Variants in PALS2 observed in about 807,000 individuals in gnomAD.
PALS2 encodes protein associated with LIN7 2, MAGUK p55 family member.
In PALS2, 27 loss-of-function variants were observed where a neutral mutation model predicts 61.6. The observed-to-expected ratio is 0.44, with a 90% CI of 0.32 to 0.60. The LOEUF is 0.60. Ranked by LOEUF, PALS2 falls within the 20% of genes least tolerant of loss-of-function variation. The probability of loss-of-function intolerance (pLI) is 0.05; values close to 1 mark genes in which losing one functional copy is unlikely to be tolerated. For missense variants in PALS2, 554 were observed against 639.4 expected (o/e 0.87, Z 1.44); for synonymous variants, 236 against 218.6 (o/e 1.08, Z -0.70).
At position 24,607,892 on chromosome 7, in the gene PALS2, A is replaced by T. The variant is rs562722660; in HGVS notation, c.-2-15774A>T. 3.9e-5 allele frequency among the ~76,000 whole-genome samples: 6 copies of T among 152,278 alleles called. No individual in the cohort carries two copies. The East Asian group carries it at 1.2e-3, about 29-fold the overall frequency. On this transcript the variant is annotated intron_variant, in intron 1 of 11. Coordinates refer to ENST00000222644, the MANE Select transcript of PALS2 (RefSeq NM_001303037.2). ...AAACAATTGCATTCATGTAAATAAA[A>T]ATTGATGTATTCAATTTTGTCTGAA...
At chr7:24,668,738 C>T (rs1194736056) in intron 9 of PALS2, 78 bp downstream of exon 9, 2 of 1,492,390 alleles carry the variant, frequency 1.3e-6, no homozygotes, top group African/African-American at 2.8e-5. Flanking sequence ...GGATTATTAT[C>T]ATTAGTTATT....
intron 5 of PALS2, among the ~76,000 whole-genome samples, chr7:24,659,054 C>T (rs1029299630): frequency 9.2e-5 from 14 of 152,036 alleles, no homozygotes; most frequent in East Asian, 1.9e-4. Context: ...CTCTTTGTGT[C>T]GATATGTACT....
intron 1 of PALS2, among the ~76,000 whole-genome samples, chr7:24,592,811 A>G (rs1394886609): frequency 2.0e-5 from 3 of 152,146 alleles, no homozygotes; most frequent in Non-Finnish European, 4.4e-5. Flanking sequence ...AATGCTAGTA[A>G]TCATCAGAGC....
At chr7:24,598,538 T>C (rs1209097944) in intron 1 of PALS2, among the ~76,000 whole-genome samples, 1 of 152,220 alleles carries the variant, frequency 6.6e-6, no homozygotes, top group Non-Finnish European at 1.5e-5. Context: ...TCAGATTGCC[T>C]AAGTTTCTTA....
intron 8 of PALS2, among the ~76,000 whole-genome samples, chr7:24,667,726 G>T (rs900330211): frequency 1.4e-5 from 2 of 141,994 alleles, no homozygotes; most frequent in African/African-American, 2.7e-5. Flanking sequence ...GTGCAGTGGC[G>T]CAATCTCGTC....
Position 24,693,775 on chromosome 7 carries a change from TAGA to T in PALS2, c.*6166_*6168del, listed in dbSNP as rs1788583694. 6.6e-6 allele frequency: 1 copy of T among 152,210 alleles called. No homozygotes were observed. The highest frequency in any genetic ancestry group is 6.5e-5 in the Admixed American group (1 of 15,278). The allele number at this position is 152,210 out of a possible 1,614,324, so 9.4% of individuals were successfully genotyped here. ...AGAAGTGATATGTTGGACTCTGTTG[TAGA>T]AGAATGAGCACTAGTATTCAGCAAC... On this transcript the variant is annotated 3_prime_UTR_variant, in exon 12 of 12. Coordinates refer to ENST00000222644, the MANE Select transcript of PALS2 (RefSeq NM_001303037.2).
chr7:24,663,426 A>T, intron 5 of PALS2, 164 bp from the exon 6 acceptor site: 1 of 581,702 alleles, frequency 1.7e-6, no homozygotes, highest in Non-Finnish European at 2.6e-6. Flanking sequence ...AAAATCTGTT[A>T]ATATTCTAAT....
intron 1 of PALS2, among the ~76,000 whole-genome samples, chr7:24,590,787 C>T (rs944372775): frequency 1.3e-5 from 2 of 151,732 alleles, no homozygotes; most frequent in Non-Finnish European, 2.9e-5. Flanking sequence ...AACTTCAGTA[C>T]CTACTTACTA....
At chr7:24,630,763 T>G (rs1030397949) in intron 2 of PALS2, among the ~76,000 whole-genome samples, 1 of 152,338 alleles carries the variant, frequency 6.6e-6, no homozygotes, top group Middle Eastern at 3.4e-3. Context: ...TTAAGAATTA[T>G]GCGAATTCTA....
At chr7:24,682,920 G>A (rs1002858437) in intron 11 of PALS2, among the ~76,000 whole-genome samples, 1 of 152,096 alleles carries the variant, frequency 6.6e-6, no homozygotes, top group African/African-American at 2.4e-5. Context: ...TGATCTAGAG[G>A]TTGGTCAGAC....
rs772865427 is a variant in PALS2, at chr7:24,650,490, G to A, written c.429G>A (p.Val143=). 1 of 1,588,514 alleles carries A rather than the reference G, an allele frequency of 6.3e-7. No homozygotes were observed. Among genetic ancestry groups the A allele is most frequent in the South Asian group, 1.2e-5 (1 of 85,598 alleles). Reference sequence around the variant, plus strand: ...CTGTTTCTTATTTTTCATAGGGTGTGACATTTAGGGTTGAAAATAATGATC... The same window carrying A: ...CTGTTTCTTATTTTTCATAGGGTGTAACATTTAGGGTTGAAAATAATGATC... ...IHKRAGEPLG[V]TFRVENNDLV... The change falls in exon 5 of 12, where the codon GTG becomes GTA. Residue 143 remains valine (V), a synonymous_variant. Transcript: ENST00000222644.
intron 3 of PALS2, among the ~76,000 whole-genome samples, chr7:24,645,503 T>C (rs138406512): frequency 1.6e-4 from 24 of 152,330 alleles, no homozygotes; most frequent in African/African-American, 4.6e-4. Context: ...AGTATCATGC[T>C]GTTTTGGTTA....
intron 9 of PALS2, 115 bp from the exon 10 acceptor site, chr7:24,679,016 T>C: frequency 1.2e-6 from 1 of 803,432 alleles, no homozygotes; most frequent in Non-Finnish European, 2.0e-6. Context: ...GATCTGGTCA[T>C]AGCCTACAGT....
Position 24,680,526 on chromosome 7 carries a change from C to G in PALS2, c.1446+6C>G. 1 of 1,610,198 alleles carries G rather than the reference C, an allele frequency of 6.2e-7. No homozygotes were observed. ...TCACTACCAAGCTTCTGACCGTGAG[C>G]TAACCATACGATTTTCCTTCTAAAA... On this transcript the variant is annotated splice_donor_region_variant and intron_variant, in intron 11 of 11. Transcript: ENST00000222644.
At chr7:24,585,713 T>A (rs563693714) in intron 1 of PALS2, among the ~76,000 whole-genome samples, 14 of 152,264 alleles carry the variant, frequency 9.2e-5, no homozygotes, top group African/African-American at 2.2e-4. Flanking sequence ...TTATTTATTT[T>A]TTTGAGACGG....
intron 9 of PALS2, among the ~76,000 whole-genome samples, chr7:24,673,458 G>A (rs1260187246): frequency 6.6e-6 from 1 of 152,170 alleles, no homozygotes; most frequent in Non-Finnish European, 1.5e-5. Flanking sequence ...TTTGGGAAGA[G>A]TATGTGAAGG....
chr7:24,617,495 G>A (rs1392641609), intron 1 of PALS2, among the ~76,000 whole-genome samples: 5 of 152,146 alleles, frequency 3.3e-5, no homozygotes, highest in African/African-American at 4.8e-5. Context: ...TACACATATG[G>A]TAGAAAAGTT....
At chr7:24,656,671 C>T (rs1167581169) in intron 5 of PALS2, among the ~76,000 whole-genome samples, 1 of 152,038 alleles carries the variant, frequency 6.6e-6, no homozygotes, top group Admixed American at 6.6e-5. Flanking sequence ...CACAGGCATG[C>T]ACCACCACAC....
intron 1 of PALS2, among the ~76,000 whole-genome samples, chr7:24,615,980 C>T (rs1347945802): frequency 2.0e-5 from 3 of 152,058 alleles, no homozygotes; most frequent in South Asian, 2.1e-4. Flanking sequence ...GCAGAAAAAG[C>T]GTTTTGTAAA....
Sources: gnomAD v4.1 joint callset for allele counts (sites outside exome capture counted in the v4.1 genomes callset) on GRCh38, gnomAD v4.1.1 for gene constraint, MANE v1.5 for transcripts, NCBI Gene and HGNC (gene_info 2026-07-23, HGNC 2026-07-21) for gene names.